The following DNAH8 variants were observed in gnomAD, a reference collection of about 807,000 sequenced individuals.
The protein encoded by DNAH8 is dynein axonemal heavy chain 8, also known as axonemal beta dynein heavy chain 8.
A neutral mutation model predicts 562.1 loss-of-function variants in DNAH8; 382 were observed. The observed-to-expected ratio is 0.68, with a 90% CI of 0.63 to 0.74. The LOEUF is 0.74. DNAH8 is among the 30% of genes least tolerant of loss of function. DNAH8 has a pLI of 0.00. For synonymous variants in DNAH8, 1,881 were observed against 1,919.4 expected, an observed-to-expected ratio of 0.98 and a Z score of 0.52; for missense variants, 5,203 against 5,620.4, an observed-to-expected ratio of 0.93 and a Z score of 2.37.
At chr6:38,953,278 G>T (rs10947766) in intron 82 of DNAH8, among the ~76,000 whole-genome samples, 2 of 152,084 alleles carry the variant, frequency 1.3e-5, no homozygotes, top group Non-Finnish European at 2.9e-5. Context: ...CTTATGTACA[G>T]AGCTGGAATG....
chr6:38,738,668 A>G (rs1263261230), intron 7 of DNAH8, among the ~76,000 whole-genome samples: 2 of 152,154 alleles, frequency 1.3e-5, no homozygotes, highest in Non-Finnish European at 2.9e-5. Flanking sequence ...AGGGGAAAAA[A>G]TCTTGACCAG....
At chr6:38,724,473 G>A (rs936803101) in intron 3 of DNAH8, among the ~76,000 whole-genome samples, 4 of 152,166 alleles carry the variant, frequency 2.6e-5, no homozygotes, top group African/African-American at 7.2e-5. Context: ...GTAGAGAAAA[G>A]CTGCATAAAT....
At chr6:38,969,565 A>T (rs1254042446) in intron 82 of DNAH8, among the ~76,000 whole-genome samples, 1 of 152,040 alleles carries the variant, frequency 6.6e-6, no homozygotes, top group African/African-American at 2.4e-5. Flanking sequence ...ACAGGGTGAG[A>T]AAAACCTGAG....
chr6:38,836,472 C>CA (rs1562948790), intron 32 of DNAH8, among the ~76,000 whole-genome samples: 1 of 125,326 alleles, frequency 8.0e-6, no homozygotes, highest in African/African-American at 3.0e-5. Context: ...ACAACAACAA[C>CA]AAAAAAACCC....
At chr6:38,987,072 G>A (rs1764450297) in intron 87 of DNAH8, among the ~76,000 whole-genome samples, 1 of 152,226 alleles carries the variant, frequency 6.6e-6, no homozygotes, top group Admixed American at 6.5e-5. Context: ...AAGGCACCTG[G>A]ATGTACAGAT....
At chr6:38,836,626 T>G (rs1435689082) in intron 32 of DNAH8, among the ~76,000 whole-genome samples, 1 of 151,930 alleles carries the variant, frequency 6.6e-6, no homozygotes, top group Non-Finnish European at 1.5e-5. Flanking sequence ...TGCACTTCAC[T>G]GGGATATGTG....
At chr6:38,864,482 A>G (rs141009566) in intron 45 of DNAH8, among the ~76,000 whole-genome samples, 19 of 152,318 alleles carry the variant, frequency 1.2e-4, no homozygotes, top group African/African-American at 4.6e-4. Context: ...TGACTAGGGT[A>G]GAAGTAGGAG....
At chr6:38,965,062 TC>T (rs1257744864) in intron 82 of DNAH8, among the ~76,000 whole-genome samples, 2 of 135,794 alleles carry the variant, frequency 1.5e-5, no homozygotes, top group East Asian at 4.2e-4. Context: ...AGATTCTGTC[TC>T]AAAAAATAAA....
At chr6:38,863,825 G>A in intron 44 of DNAH8, 48 bp from the exon 45 acceptor site, 1 of 1,437,598 alleles carries the variant, frequency 7.0e-7, no homozygotes, top group Non-Finnish European at 9.4e-7. Context: ...TTATCAAGAA[G>A]GTATATTATA....
chr6:38,737,261 G>A lies in DNAH8; in HGVS notation c.952+5G>A, dbSNP rs1562596609. 1 of 1,407,606 alleles carries A rather than the reference G, an allele frequency of 7.1e-7. No homozygotes were observed. Among genetic ancestry groups the A allele is most frequent in the Non-Finnish European group, 9.3e-7 (1 of 1,070,276 alleles). 87.2% of individuals were successfully genotyped at this position (1,407,606 alleles called of 1,614,324 possible). ...GATATCTTTCATTTTTAGATGGTAAGTATAAAATTTAATGTTTAGCAAATT... is the reference window on the plus strand; with the variant it reads ...GATATCTTTCATTTTTAGATGGTAAATATAAAATTTAATGTTTAGCAAATT... On this transcript the variant is annotated splice_donor_5th_base_variant and intron_variant, in intron 6 of 92. Transcript: ENST00000327475.
intron 7 of DNAH8, 39 bp from the exon 8 acceptor site, chr6:38,741,672 T>A (rs1562611485): frequency 6.6e-7 from 1 of 1,510,684 alleles, no homozygotes; most frequent in East Asian, 2.4e-5. Flanking sequence ...CAAAGAAGAA[T>A]GTAACATTTC....
chr6:38,719,115 C>T (rs1025534644), intron 1 of DNAH8, among the ~76,000 whole-genome samples: 2 of 152,160 alleles, frequency 1.3e-5, no homozygotes, highest in African/African-American at 4.8e-5. Flanking sequence ...TACTTTATCT[C>T]CTAAATGAGA....
chr6:38,745,221 C>T (rs1027112620), intron 8 of DNAH8, among the ~76,000 whole-genome samples: 2 of 152,150 alleles, frequency 1.3e-5, no homozygotes, highest in African/African-American at 4.8e-5. Flanking sequence ...TATTTAGGGT[C>T]ATGGGGGAAC....
At chr6:38,806,831 T>G (rs1370087701) in intron 23 of DNAH8, among the ~76,000 whole-genome samples, 1 of 152,168 alleles carries the variant, frequency 6.6e-6, no homozygotes, top group African/African-American at 2.4e-5. Flanking sequence ...ACATCTGTGC[T>G]TTAGCTTGAT....
chr6:38,837,165 T>C (rs1187371631), intron 32 of DNAH8, among the ~76,000 whole-genome samples: 1 of 152,180 alleles, frequency 6.6e-6, no homozygotes, highest in Non-Finnish European at 1.5e-5. Context: ...TCACCTGGTA[T>C]CTTCATGCCT....
rs991486564 is a variant in DNAH8 at position 38,876,416 on chromosome 6, C to G, written c.7858+588C>G. ...ATATGCTTCCTAAAAACTCTAATTA[C>G]CTCTGGTTCTTCCTAAAAACTCAAA... On this transcript the variant is annotated intron_variant, in intron 53 of 92. Transcript: ENST00000327475. 4.5e-4 allele frequency among the ~76,000 whole-genome samples: 68 copies of G among 152,208 alleles called. 4 individuals carry two copies.
At chr6:38,717,179 T>C (rs895556028) in intron 1 of DNAH8, among the ~76,000 whole-genome samples, 2 of 152,144 alleles carry the variant, frequency 1.3e-5, no homozygotes, top group African/African-American at 4.8e-5. Flanking sequence ...ATGACTGTAC[T>C]CCAGCCTGCA....
chr6:38,949,125 C>T (rs1761675388), intron 80 of DNAH8, among the ~76,000 whole-genome samples: 1 of 151,938 alleles, frequency 6.6e-6, no homozygotes, highest in African/African-American at 2.4e-5. Context: ...ACAGCACCCC[C>T]CACAAAAAAA....
intron 82 of DNAH8, among the ~76,000 whole-genome samples, chr6:38,965,814 G>T (rs949471287): frequency 6.6e-6 from 1 of 152,008 alleles, no homozygotes; most frequent in South Asian, 2.1e-4. Context: ...CCTTCCTTGC[G>T]TGGGAATGTT....
Sources: allele counts gnomAD v4.1 joint callset (sites outside exome capture counted in the v4.1 genomes callset), GRCh38; gene constraint gnomAD v4.1.1; transcripts MANE v1.5; gene names NCBI Gene and HGNC (gene_info 2026-07-23, HGNC 2026-07-21).